CDKAL1: variants seen among roughly 807,000 people sequenced by gnomAD.
CDKAL1 encodes threonylcarbamoyladenosine tRNA methylthiotransferase.
In CDKAL1, 32 loss-of-function variants were observed where a neutral mutation model predicts 68.2. The observed-to-expected ratio is 0.47, with a 90% CI of 0.35 to 0.63. CDKAL1 has a LOEUF of 0.63. Ranked by LOEUF, CDKAL1 falls within the 30% of genes least tolerant of loss-of-function variation. The pLI is 0.00. For missense variants in CDKAL1, 606 were observed against 696.7 expected, an observed-to-expected ratio of 0.87 and a Z score of 1.47; for synonymous variants, 234 against 244.3, an observed-to-expected ratio of 0.96 and a Z score of 0.39.
intron 4 of CDKAL1, among the ~76,000 whole-genome samples, chr6:20,622,022 A>C (rs1337428771): frequency 6.6e-6 from 1 of 152,088 alleles, no homozygotes; most frequent in Non-Finnish European, 1.5e-5. Flanking sequence ...ATATAAAAAT[A>C]TTTCTATATG....
intron 5 of CDKAL1, among the ~76,000 whole-genome samples, chr6:20,660,252 C>T (rs553305967): frequency 3.1e-4 from 47 of 152,238 alleles, no homozygotes; most frequent in African/African-American, 1.0e-3. Flanking sequence ...TGGCTTGCTA[C>T]TAGATTGTGA....
intron 9 of CDKAL1, among the ~76,000 whole-genome samples, chr6:20,881,455 GA>G (rs1447909846): frequency 6.6e-6 from 1 of 152,118 alleles, no homozygotes; most frequent in Non-Finnish European, 1.5e-5. Context: ...ATTGAGAACT[GA>G]TTGTCATCTC....
chr6:20,596,747 G>A (rs976038028), intron 4 of CDKAL1, among the ~76,000 whole-genome samples: 1 of 152,200 alleles, frequency 6.6e-6, no homozygotes, highest in Non-Finnish European at 1.5e-5. Context: ...GTGTCTGAAT[G>A]GCTGCCCAGT....
Position 21,108,480 on chromosome 6 carries a change from A to G in CDKAL1, c.1299+17A>G. The stretch of plus-strand genomic sequence containing the variant: ...GATCACAAGGTAAGAGAAGCATGTT[A>G]ATAGCATATTAAGTATTAAAGTCTT... On this transcript the variant is annotated intron_variant, in intron 13 of 15. Transcript: ENST00000274695. 2.6e-6 allele frequency: 4 copies of G among 1,519,840 alleles called. No individual in the cohort carries two copies. Among genetic ancestry groups the G allele is most frequent in the Non-Finnish European group, 3.6e-6 (4 of 1,107,568 alleles). The allele number at this position is 1,519,840 out of a possible 1,614,324, so 94.1% of individuals were successfully genotyped here.
At chr6:21,057,924 A>G (rs990442988) in intron 11 of CDKAL1, among the ~76,000 whole-genome samples, 2 of 152,190 alleles carry the variant, frequency 1.3e-5, no homozygotes, top group Admixed American at 1.3e-4. Flanking sequence ...GGAATGTTTT[A>G]CTTCCAATTA....
At chr6:20,944,728 A>G (rs1486197165) in intron 9 of CDKAL1, among the ~76,000 whole-genome samples, 2 of 152,238 alleles carry the variant, frequency 1.3e-5, no homozygotes, top group Non-Finnish European at 1.5e-5. Flanking sequence ...ATAGAAGCAG[A>G]CATGTTGGTA....
chr6:20,773,799 G>T (rs528553314), intron 7 of CDKAL1, among the ~76,000 whole-genome samples: 224 of 152,238 alleles, frequency 1.5e-3, no homozygotes, highest in African/African-American at 5.1e-3. Flanking sequence ...GCCCGCCTCG[G>T]CCTCCCAAAG....
At position 21,057,262 on chromosome 6, in the gene CDKAL1, G is replaced by A. The variant is rs574932715; in HGVS notation, c.1056-7786G>A. 1.1e-4 allele frequency among the ~76,000 whole-genome samples: 17 copies of A among 152,208 alleles called. No homozygotes were observed. In the East Asian group the frequency reaches 3.1e-3, roughly 28 times the overall value. ...TGTTCACTCTTGGGAGGGTGTATGT[G>A]TCCAGGAATTTATCCATTTCTTCTA... On this transcript the variant is annotated intron_variant, in intron 11 of 15. Transcript: ENST00000274695.
chr6:20,709,412 T>C (rs917321392), intron 5 of CDKAL1, among the ~76,000 whole-genome samples: 8 of 152,052 alleles, frequency 5.3e-5, no homozygotes, highest in African/African-American at 1.7e-4. Context: ...AAATACTCAT[T>C]GGAGCATTTT....
intron 9 of CDKAL1, among the ~76,000 whole-genome samples, chr6:20,945,941 A>AT (rs375136647): frequency 6.6e-6 from 1 of 152,126 alleles, no homozygotes; most frequent in East Asian, 1.9e-4. Context: ...ATTATCTGTC[A>AT]TTTTTTTCCT....
intron 8 of CDKAL1, among the ~76,000 whole-genome samples, chr6:20,803,744 T>C (rs938556250): frequency 3.3e-5 from 5 of 152,172 alleles, no homozygotes; most frequent in African/African-American, 1.2e-4. Context: ...GAGCTGATGT[T>C]ATTCTTGTGG....
At chr6:21,086,979 C>T (rs541488362) in intron 12 of CDKAL1, among the ~76,000 whole-genome samples, 38 of 152,130 alleles carry the variant, frequency 2.5e-4, no homozygotes, top group African/African-American at 8.2e-4. Context: ...AAAATGGCAC[C>T]CCAAACCTCT....
intron 11 of CDKAL1, among the ~76,000 whole-genome samples, chr6:21,061,688 G>A (rs1771145008): frequency 6.6e-6 from 1 of 151,860 alleles, no homozygotes; most frequent in Non-Finnish European, 1.5e-5. Flanking sequence ...TATTTACTAG[G>A]CAAATCAACA....
At chr6:20,685,625 T>C (rs886459319) in intron 5 of CDKAL1, among the ~76,000 whole-genome samples, 4 of 152,366 alleles carry the variant, frequency 2.6e-5, no homozygotes, top group Admixed American at 2.6e-4. Flanking sequence ...AGGCTTCCTA[T>C]CCTAAATATG....
At chr6:21,204,345 C>T (rs754845048) in intron 15 of CDKAL1, among the ~76,000 whole-genome samples, 1 of 152,168 alleles carries the variant, frequency 6.6e-6, no homozygotes, top group Non-Finnish European at 1.5e-5. Context: ...TTCTTATCTA[C>T]CCCTATTCCC....
chr6:20,613,353 C>T (rs1033665396), intron 4 of CDKAL1, among the ~76,000 whole-genome samples: 12 of 135,184 alleles, frequency 8.9e-5, no homozygotes, highest in African/African-American at 3.0e-4. Flanking sequence ...CAGCTCACTG[C>T]AACCTCCGCC....
intron 5 of CDKAL1, among the ~76,000 whole-genome samples, chr6:20,670,098 C>T (rs1769740114): frequency 1.3e-5 from 2 of 152,126 alleles, no homozygotes; most frequent in Admixed American, 6.5e-5. Context: ...GTCTCATAGT[C>T]TACAATATAT....
chr6:20,908,297 A>G (rs1762320472), intron 9 of CDKAL1, among the ~76,000 whole-genome samples: 2 of 152,232 alleles, frequency 1.3e-5, no homozygotes, highest in South Asian at 2.1e-4. Context: ...GCAGATCACC[A>G]TAATAAGAAT....
intron 10 of CDKAL1, among the ~76,000 whole-genome samples, chr6:20,997,665 C>T (rs1187256450): frequency 7.2e-5 from 11 of 152,080 alleles, no homozygotes; most frequent in Admixed American, 3.9e-4. Flanking sequence ...TAGTAAGAGG[C>T]CACCCTGAGT....
Sources: allele counts gnomAD v4.1 joint callset (sites outside exome capture counted in the v4.1 genomes callset), GRCh38; gene constraint gnomAD v4.1.1; transcripts MANE v1.5; gene names NCBI Gene and HGNC (gene_info 2026-07-23, HGNC 2026-07-21).